GSTA1: variants seen among roughly 807,000 people sequenced by gnomAD.
GSTA1 encodes the protein glutathione S-transferase alpha 1, also known as glutathione S-transferase A1.
A neutral mutation model predicts 21.5 loss-of-function variants in GSTA1; 23 were observed. The observed-to-expected ratio is 1.07, with a 90% CI of 0.77 to 1.52. The LOEUF is 1.52. Among genes scored for constraint, GSTA1 ranks in the 40% most tolerant of loss-of-function variants. The pLI, the probability that GSTA1 is intolerant of heterozygous loss-of-function variation, is 0.00. For synonymous variants in GSTA1, 125 were observed against 90.0 expected, an observed-to-expected ratio of 1.39 and a Z score of -2.20; for missense variants, 301 against 264.2, an observed-to-expected ratio of 1.14 and a Z score of -0.96.
chr6:52,803,112 A>G (rs1763754375), intron 1 of GSTA1, among the ~76,000 whole-genome samples: 1 of 152,092 alleles, frequency 6.6e-6, no homozygotes, highest in Admixed American at 6.5e-5. Context: ...GGGGTTACAA[A>G]TCAGATAGGT....
At position 52,799,184 on chromosome 6, in the gene GSTA1, T is replaced by C. The variant is rs772504071; in HGVS notation, c.84A>G (p.Val28=). The change falls in exon 2 of 7, where the codon GTA becomes GTG. Residue 28 remains valine (V), a synonymous_variant. Transcript: ENST00000334575. The part of the protein sequence containing the change: ...STRWLLAAAG[V]EFEEKFIKSA... ...GATGACCTAACTCAGAACCTACCTC[T>C]ACTCCAGCTGCAGCCAGGAGCCACC... The C allele has an allele frequency of 2.6e-5, 42 of 1,613,630 alleles. No individual in the cohort carries two copies. The South Asian group carries it at 4.3e-4, about 16-fold the overall frequency.
intron 1 of GSTA1, among the ~76,000 whole-genome samples, chr6:52,801,357 TC>T (rs1186271268): frequency 6.6e-6 from 1 of 152,244 alleles, no homozygotes; most frequent in Non-Finnish European, 1.5e-5. Context: ...CATTGTACTT[TC>T]TATGATAACT....
chr6:52,803,757 T>C (rs1167519197), intron 1 of GSTA1, 28 bp downstream of exon 1: 3 of 180,116 alleles, frequency 1.7e-5, no homozygotes, highest in African/African-American at 2.4e-5. Flanking sequence ...TGAGGCAATG[T>C]AGAGAAATTT....
chr6:52,794,408 C>T (rs1186629547), intron 4 of GSTA1, 142 bp from the exon 5 acceptor site: 13 of 727,686 alleles, frequency 1.8e-5, no homozygotes, highest in Non-Finnish European at 2.7e-5. Flanking sequence ...AGTCATTATG[C>T]TCTGAGTTTT....
chr6:52,796,112 C>T (rs1344633398), intron 4 of GSTA1, 70 bp downstream of exon 4: 3 of 1,606,766 alleles, frequency 1.9e-6, no homozygotes, highest in Non-Finnish European at 2.6e-6. Flanking sequence ...GCCATCGTCC[C>T]ACCCACTCAA....
At chr6:52,795,336 T>C (rs1763551240) in intron 4 of GSTA1, among the ~76,000 whole-genome samples, 1 of 152,354 alleles carries the variant, frequency 6.6e-6, no homozygotes, top group South Asian at 2.1e-4. Context: ...ATTGCATGGC[T>C]AAGGCACATT....
chr6:52,796,517 GTGTGTGTGTGTGTA>G (rs1763590641), intron 3 of GSTA1, among the ~76,000 whole-genome samples: 1 of 10,592 alleles, frequency 9.4e-5, no homozygotes, highest in African/African-American at 2.4e-4. Context: ...GTGTGTGTGT[GTGTGTGTGTGTGTA>G]TATATATATA....
intron 3 of GSTA1, among the ~76,000 whole-genome samples, chr6:52,796,561 T>G (rs1763595861): frequency 8.0e-6 from 1 of 125,782 alleles, no homozygotes; most frequent in Admixed American, 8.2e-5. Context: ...TTTTTTTTTT[T>G]TTGGCAGAGT....
In GSTA1 at chr6:52,791,639, A is replaced by C; in HGVS notation, c.*219T>G. ...TTTAATTCCAGGAAAATGGTTGGCT[A>C]GGAGAAGATTGGAAATCTGAATTCA... On this transcript the variant is annotated 3_prime_UTR_variant, in exon 7 of 7. Coordinates refer to ENST00000334575, the MANE Select transcript of GSTA1 (RefSeq NM_145740.5). 1 of 498,998 alleles carries C rather than the reference A, an allele frequency of 2.0e-6. No individual in the cohort carries two copies. The allele number at this position is 498,998 out of a possible 1,614,324, so 30.9% of individuals were successfully genotyped here.
At chr6:52,793,606 G>A (rs1763509469) in intron 5 of GSTA1, among the ~76,000 whole-genome samples, 2 of 152,120 alleles carry the variant, frequency 1.3e-5, no homozygotes, top group Non-Finnish European at 2.9e-5. Context: ...CTGCACTGAT[G>A]TCTGCAACTT....
chr6:52,801,832 A>G (rs1225683867), intron 1 of GSTA1, among the ~76,000 whole-genome samples: 1 of 152,128 alleles, frequency 6.6e-6, no homozygotes, highest in Non-Finnish European at 1.5e-5. Flanking sequence ...CAAATTAAAG[A>G]TGGGCACACT....
intron 1 of GSTA1, among the ~76,000 whole-genome samples, chr6:52,801,581 A>G (rs1184337007): frequency 6.6e-6 from 1 of 152,074 alleles, no homozygotes; most frequent in African/African-American, 2.4e-5. Context: ...ATCTTACATA[A>G]TATTTTATCA....
Position 52,797,568 on chromosome 6 carries a change from CT to C in GSTA1, c.139+17del, listed in dbSNP as rs1201528734. On this transcript the variant is annotated intron_variant, in intron 3 of 6. Coordinates refer to ENST00000334575, the MANE Select transcript of GSTA1 (RefSeq NM_145740.5). ...CTACTAGATACCCTCATCAGAGGAA[CT>C]TAGAGATTGATCTTACCATTTCTTA... 9 of 1,598,028 alleles carry C rather than the reference CT, an allele frequency of 5.6e-6. No homozygotes were observed. The highest frequency in any genetic ancestry group is 6.9e-6 in the Non-Finnish European group (8 of 1,166,142).
At chr6:52,797,243 T>C (rs979078824) in intron 3 of GSTA1, among the ~76,000 whole-genome samples, 2 of 152,198 alleles carry the variant, frequency 1.3e-5, no homozygotes, top group African/African-American at 4.8e-5. Flanking sequence ...TTTTGTCTAA[T>C]GCATGTTCTT....
chr6:52,800,144 C>A (rs560002053), intron 1 of GSTA1, among the ~76,000 whole-genome samples: 1 of 152,328 alleles, frequency 6.6e-6, no homozygotes, highest in South Asian at 2.1e-4. Context: ...AGCATTTGTT[C>A]AACATCAGTT....
rs557863075 is a variant in GSTA1, at chr6:52,796,349, T to A, written c.140-35A>T. ...GAAGAAAAAAAAGGAGAGTGAAGTGTCTATGAAACCCACCCTTTTGGGATG... is the reference window on the plus strand; with the variant it reads ...GAAGAAAAAAAAGGAGAGTGAAGTGACTATGAAACCCACCCTTTTGGGATG... On this transcript the variant is annotated intron_variant, in intron 3 of 6. Coordinates refer to ENST00000334575, the MANE Select transcript of GSTA1 (RefSeq NM_145740.5). 8.1e-6 allele frequency: 13 copies of A among 1,613,192 alleles called. No individual in the cohort carries two copies. In the African/African-American group the frequency reaches 1.1e-4, roughly 13 times the overall value.
At chr6:52,803,134 A>T (rs2127310011) in intron 1 of GSTA1, among the ~76,000 whole-genome samples, 1 of 152,250 alleles carries the variant, frequency 6.6e-6, no homozygotes, top group South Asian at 2.1e-4. Flanking sequence ...GAGGCCAGGG[A>T]TGCCTAGAAA....
At position 52,792,882 on chromosome 6, in the gene GSTA1, G is replaced by C. The variant is rs1376311891; in HGVS notation, c.520C>G (p.Leu174Val). Reference protein sequence around the residue: ...LYYVEELDSSLISSFPLLKAL... With the variant: ...LYYVEELDSSVISSFPLLKAL... ...TTCAGCAGAGGGAAGCTGGAGATAA[G>C]ACTGGAGTCAAGCTCCTCGACGTAG... Residue 174 changes from leucine to valine, a missense_variant, in exon 6 of 7, where the codon CTT becomes GTT. Coordinates refer to ENST00000334575, the MANE Select transcript of GSTA1 (RefSeq NM_145740.5). 2 of 1,614,048 alleles carry C rather than the reference G, an allele frequency of 1.2e-6. No individual in the cohort carries two copies.
chr6:52,794,345 A>T, intron 4 of GSTA1, 79 bp from the exon 5 acceptor site: 1 of 1,437,042 alleles, frequency 7.0e-7, no homozygotes, highest in Non-Finnish European at 9.5e-7. Flanking sequence ...AAGGGAGTAG[A>T]GTATCAGGTG....
Sources: allele counts gnomAD v4.1 joint callset (sites outside exome capture counted in the v4.1 genomes callset), GRCh38; gene constraint gnomAD v4.1.1; transcripts MANE v1.5; gene names NCBI Gene and HGNC (gene_info 2026-07-23, HGNC 2026-07-21).